The following CLSTN2 variants were observed in gnomAD, a reference collection of about 807,000 sequenced individuals.
CLSTN2 encodes calsyntenin-2.
A neutral mutation model predicts 101.2 loss-of-function variants in CLSTN2; 48 were observed. That is an observed-to-expected ratio of 0.47 (90% CI 0.38 to 0.60). The LOEUF (loss-of-function observed/expected upper bound fraction) is 0.60, where lower values mean the gene tolerates loss of function less well. CLSTN2 is among the 20% of genes least tolerant of loss of function. The pLI, the probability that CLSTN2 is intolerant of heterozygous loss-of-function variation, is 0.00. For missense variants in CLSTN2, 1,160 were observed against 1,238.2 expected (o/e 0.94, Z 0.95); for synonymous variants, 481 against 463.6 (o/e 1.04, Z -0.48).
At chr3:139,942,077 A>G (rs1935141487) in intron 1 of CLSTN2, among the ~76,000 whole-genome samples, 1 of 152,152 alleles carries the variant, frequency 6.6e-6, no homozygotes, top group African/African-American at 2.4e-5. Flanking sequence ...ACACAGGCTT[A>G]CCTATTCAGA....
At chr3:140,419,921 C>T (rs2088482037) in intron 4 of CLSTN2, among the ~76,000 whole-genome samples, 1 of 143,436 alleles carries the variant, frequency 7.0e-6, no homozygotes, top group African/African-American at 2.7e-5. Flanking sequence ...TTCAGACAGT[C>T]TTGCTCTGTC....
intron 2 of CLSTN2, among the ~76,000 whole-genome samples, chr3:140,205,923 T>A (rs1421573382): frequency 6.6e-6 from 1 of 152,126 alleles, no homozygotes; most frequent in Non-Finnish European, 1.5e-5. Flanking sequence ...CACAGGTGCA[T>A]GCACTGTGCC....
chr3:140,158,971 A>T (rs1204605149), intron 1 of CLSTN2, among the ~76,000 whole-genome samples: 1 of 152,194 alleles, frequency 6.6e-6, no homozygotes. Flanking sequence ...ATAATTGGCT[A>T]GTAATATACA....
intron 2 of CLSTN2, among the ~76,000 whole-genome samples, chr3:140,353,866 A>G (rs2087637605): frequency 6.6e-6 from 1 of 152,196 alleles, no homozygotes; most frequent in South Asian, 2.1e-4. Context: ...GGGTTCAACT[A>G]AACAGGCTGC....
At chr3:140,225,344 C>T (rs1030067815) in intron 2 of CLSTN2, among the ~76,000 whole-genome samples, 8 of 152,214 alleles carry the variant, frequency 5.3e-5, no homozygotes, top group Non-Finnish European at 8.8e-5. Flanking sequence ...ACTTCAGTTG[C>T]ACTGTTTCCA....
rs546032497 is a variant in CLSTN2 at position 139,946,509 on chromosome 3, A to G, written c.109+11026A>G. On this transcript the variant is annotated intron_variant, in intron 1 of 16. Coordinates refer to ENST00000458420, the MANE Select transcript of CLSTN2 (RefSeq NM_022131.3). ...TTTTCACTTGATCATCTGGAGGCTC[A>G]GGTCAGACTGCAGCTCTTGAACAAG... Among the ~76,000 whole-genome samples the G allele has an allele frequency of 5.3e-4, 80 of 152,158 alleles. 1 individual carries two copies. The highest frequency in any genetic ancestry group is 9.8e-4 in the Non-Finnish European group (67 of 68,024).
At chr3:140,348,329 T>C (rs984895988) in intron 2 of CLSTN2, among the ~76,000 whole-genome samples, 3 of 152,202 alleles carry the variant, frequency 2.0e-5, no homozygotes, top group African/African-American at 4.8e-5. Flanking sequence ...TTTTAAAACA[T>C]GTATTTCAGC....
At chr3:140,177,322 G>C (rs537935816) in intron 2 of CLSTN2, among the ~76,000 whole-genome samples, 47 of 152,280 alleles carry the variant, frequency 3.1e-4, no homozygotes, top group Admixed American at 1.4e-3. Context: ...AAAAGATGAA[G>C]TATCTTCCCT....
intron 8 of CLSTN2, among the ~76,000 whole-genome samples, chr3:140,487,111 C>A (rs1390788223): frequency 6.6e-6 from 1 of 152,146 alleles, no homozygotes; most frequent in Non-Finnish European, 1.5e-5. Flanking sequence ...AGAAAAATCA[C>A]TCTCTATTCA....
chr3:140,203,264 A>G (rs975716021), intron 2 of CLSTN2, among the ~76,000 whole-genome samples: 6 of 152,306 alleles, frequency 3.9e-5, no homozygotes, highest in African/African-American at 1.4e-4. Flanking sequence ...CCTGGAGGTC[A>G]TGGGTGACCT....
chr3:140,542,704 CTT>C (rs1705149440), intron 9 of CLSTN2, among the ~76,000 whole-genome samples: 1 of 152,136 alleles, frequency 6.6e-6, no homozygotes, highest in African/African-American at 2.4e-5. Flanking sequence ...ATCTGATATT[CTT>C]GAGTCAAAAA....
rs141884387 is a variant in CLSTN2 at position 140,029,076 on chromosome 3, G to A, written c.109+93593G>A. On this transcript the variant is annotated intron_variant, in intron 1 of 16. Transcript: ENST00000458420. ...CCTTCGTCTTGTCATTGCACGATGAGTTTGGTGGGTGCACTTCCACATTCA... is the reference window on the plus strand; with the variant it reads ...CCTTCGTCTTGTCATTGCACGATGAATTTGGTGGGTGCACTTCCACATTCA... 3.5e-3 allele frequency among the ~76,000 whole-genome samples: 534 copies of A among 152,310 alleles called. 2 individuals carry two copies. The highest frequency in any genetic ancestry group is 0.012 in the South Asian group (58 of 4,822).
intron 2 of CLSTN2, among the ~76,000 whole-genome samples, chr3:140,242,599 A>G (rs2086479698): frequency 6.6e-6 from 1 of 152,178 alleles, no homozygotes; most frequent in South Asian, 2.1e-4. Flanking sequence ...GTTGGGAACT[A>G]CAGGGTTTTA....
intron 1 of CLSTN2, among the ~76,000 whole-genome samples, chr3:140,022,598 G>T (rs1238475347): frequency 1.3e-5 from 2 of 152,212 alleles, no homozygotes. Context: ...GTTTGGTAAG[G>T]CTCCAGCCAG....
intron 8 of CLSTN2, among the ~76,000 whole-genome samples, chr3:140,528,247 A>G (rs1338442207): frequency 6.6e-6 from 1 of 152,152 alleles, no homozygotes; most frequent in African/African-American, 2.4e-5. Flanking sequence ...GATTGTTTTT[A>G]TGACTATCAC....
rs35699283 is a variant in CLSTN2 at position 140,154,641 on chromosome 3, C to CTTT, written c.110-21291_110-21289dup. 8.6e-3 allele frequency among the ~76,000 whole-genome samples: 801 copies of CTTT among 92,818 alleles called. 37 individuals carry two copies. Among genetic ancestry groups the CTTT allele is most frequent in the African/African-American group, 0.024 (592 of 24,414 alleles). 60.9% of individuals were successfully genotyped at this position (92,818 alleles called of 152,430 possible). A position where few individuals can be genotyped will look rare whatever the true frequency, so the allele number is the denominator to read the frequency against. On this transcript the variant is annotated intron_variant, in intron 1 of 16. Transcript: ENST00000458420. ...AGAGAGAGAGAGGGGAAGTATCACCCTTTTTTTTTTTTTTTTTTTTTGAGA... is the reference window on the plus strand; with the variant it reads ...AGAGAGAGAGAGGGGAAGTATCACCCTTTTTTTTTTTTTTTTTTTTTTTTGAGA...
At chr3:140,033,691 G>A (rs931615126) in intron 1 of CLSTN2, among the ~76,000 whole-genome samples, 1 of 152,188 alleles carries the variant, frequency 6.6e-6, no homozygotes, top group Admixed American at 6.5e-5. Context: ...AGGGTTCCTG[G>A]CTCTCAGGGA....
At chr3:140,047,155 G>C (rs6766157) in intron 1 of CLSTN2, among the ~76,000 whole-genome samples, 1,934 of 152,054 alleles carry the variant, frequency 0.013, 48 homozygotes, top group African/African-American at 0.042. Flanking sequence ...AAACTTATGT[G>C]CCCTACAAAG....
At chr3:140,137,217 A>G (rs1280316077) in intron 1 of CLSTN2, among the ~76,000 whole-genome samples, 3 of 152,098 alleles carry the variant, frequency 2.0e-5, no homozygotes, top group South Asian at 2.1e-4. Context: ...CAGGATCCCA[A>G]TGATACAAAA....
Sources: allele counts gnomAD v4.1 joint callset (sites outside exome capture counted in the v4.1 genomes callset), GRCh38; gene constraint gnomAD v4.1.1; transcripts MANE v1.5; gene names NCBI Gene and HGNC (gene_info 2026-07-23, HGNC 2026-07-21).